Variants in IFIH1 observed in about 807,000 individuals in gnomAD.
The protein encoded by IFIH1 is interferon induced with helicase C domain 1, also known as interferon-induced helicase C domain-containing protein 1.
IFIH1 carries 125 observed loss-of-function variants against 107.4 expected under a neutral mutation model. That is an observed-to-expected ratio of 1.16 (90% confidence interval 1.01 to 1.35). IFIH1 has a LOEUF of 1.35. Ranked by LOEUF, IFIH1 falls within the 40% of genes most tolerant of loss-of-function variation. The pLI is 0.00. For missense variants in IFIH1, 1,333 were observed against 1,213.7 expected (o/e 1.10, Z -1.46); for synonymous variants, 458 against 413.2 (o/e 1.11, Z -1.31).
At chr2:162,298,559 A>G (rs1054423913) in intron 3 of IFIH1, among the ~76,000 whole-genome samples, 1 of 152,054 alleles carries the variant, frequency 6.6e-6, no homozygotes, top group Admixed American at 6.6e-5. Context: ...CTCCAGTTTC[A>G]TAATCCTCAC....
chr2:162,267,425 A>T (rs753388519), intron 15 of IFIH1, 46 bp from the exon 16 acceptor site: 1 of 1,612,180 alleles, frequency 6.2e-7, no homozygotes, highest in South Asian at 1.1e-5. Context: ...ATGTACATGC[A>T]ATTAAACATT....
chr2:162,279,423 C>G (rs1682768062), intron 8 of IFIH1, among the ~76,000 whole-genome samples: 1 of 151,990 alleles, frequency 6.6e-6, no homozygotes, highest in South Asian at 2.1e-4. Context: ...AAAGTATTGA[C>G]ATAATTTACT....
At chr2:162,311,120 G>GAAC (rs1467336928) in intron 1 of IFIH1, among the ~76,000 whole-genome samples, 187 bp from the exon 2 acceptor site, 22 of 146,912 alleles carry the variant, frequency 1.5e-4, no homozygotes, top group African/African-American at 5.5e-4. Flanking sequence ...AAAATCTCCG[G>GAAC]GACAACAACA....
At chr2:162,296,827 C>G (rs1408685515) in intron 3 of IFIH1, among the ~76,000 whole-genome samples, 3 of 151,966 alleles carry the variant, frequency 2.0e-5, no homozygotes, top group Non-Finnish European at 4.4e-5. Context: ...TTTCTGCACT[C>G]AAATAAAAAG....
chr2:162,282,438 T>G lies in IFIH1; in HGVS notation c.1234A>C (p.Ser412Arg), dbSNP rs1682827182. The G allele has an allele frequency of 6.2e-7, 1 of 1,612,164 alleles. No homozygotes were observed. The highest frequency in any genetic ancestry group is 1.1e-5 in the South Asian group (1 of 91,038). The change falls in exon 6 of 16, where the codon AGT (serine) becomes CGT (arginine). Residue 412 changes from serine to arginine, a missense_variant. By Grantham distance (110) the Ser-to-Arg change is moderately radical. Transcript: ENST00000649979. The stretch of plus-strand genomic sequence containing the variant: ...GAGTTTTCAAGGATTTGAGCTGTAC[T>G]GATAATAATATCACAGGACTTGACA... ...EVVKSCDIII[S>R]TAQILENSLL...
intron 4 of IFIH1, among the ~76,000 whole-genome samples, chr2:162,289,721 G>C (rs1682963443): frequency 6.6e-6 from 1 of 151,786 alleles, no homozygotes; most frequent in African/African-American, 2.4e-5. Flanking sequence ...CTACTAACCT[G>C]GCAGGAAATT....
intron 7 of IFIH1, among the ~76,000 whole-genome samples, chr2:162,280,899 T>A (rs1682796186): frequency 6.6e-6 from 1 of 152,022 alleles, no homozygotes; most frequent in South Asian, 2.1e-4. Context: ...TCCCTTTAAT[T>A]TGAATTACCT....
chr2:162,288,989 A>T (rs1409972215), intron 4 of IFIH1, among the ~76,000 whole-genome samples: 2 of 150,604 alleles, frequency 1.3e-5, no homozygotes, highest in African/African-American at 4.9e-5. Context: ...TCCTTTTTCC[A>T]TCTGAGGCAA....
rs748030573 is a variant in IFIH1, at chr2:162,317,950, G to A, written c.358C>T (p.Leu120Phe). ...AHDEYLQLLNLLQPTLVDKLL... is the reference protein window; with the variant it reads ...AHDEYLQLLNFLQPTLVDKLL... Reference sequence around the variant, plus strand: ...TTGTCCACCAGAGTGGGCTGAAGGAGGTTCAGCAGTTGGAGATATTCATCA... The same window carrying A: ...TTGTCCACCAGAGTGGGCTGAAGGAAGTTCAGCAGTTGGAGATATTCATCA... Residue 120 changes from leucine (L) to phenylalanine (F), a missense_variant, in exon 1 of 16, where the codon CTC (leucine) becomes TTC (phenylalanine). Transcript: ENST00000649979. The A allele has an allele frequency of 2.5e-6, 4 of 1,614,150 alleles. No homozygotes were observed. The highest frequency in any genetic ancestry group is 2.5e-6 in the Non-Finnish European group (3 of 1,179,994).
chr2:162,309,210 T>G (rs1489957708), intron 2 of IFIH1, among the ~76,000 whole-genome samples: 1 of 152,218 alleles, frequency 6.6e-6, no homozygotes, highest in Non-Finnish European at 1.5e-5. Context: ...GTCCACGGAA[T>G]GGCAGGTTCT....
At chr2:162,296,695 CAG>C (rs1230334591) in intron 3 of IFIH1, among the ~76,000 whole-genome samples, 2 of 152,230 alleles carry the variant, frequency 1.3e-5, no homozygotes, top group Admixed American at 6.6e-5. Context: ...CATCTTGAAA[CAG>C]AGCTTATCTT....
At chr2:162,299,823 G>A (rs911389025) in intron 3 of IFIH1, among the ~76,000 whole-genome samples, 5 of 152,024 alleles carry the variant, frequency 3.3e-5, no homozygotes, top group African/African-American at 9.7e-5. Context: ...AAATCCTACC[G>A]CCCTCCTCCA....
chr2:162,296,884 G>A (rs1237171296), intron 3 of IFIH1, among the ~76,000 whole-genome samples: 2 of 151,992 alleles, frequency 1.3e-5, no homozygotes, highest in Non-Finnish European at 2.9e-5. Context: ...TAATCCTGTA[G>A]AGATTATTAT....
At chr2:162,313,387 T>TA (rs1476471265) in intron 1 of IFIH1, among the ~76,000 whole-genome samples, 1 of 152,184 alleles carries the variant, frequency 6.6e-6, no homozygotes, top group African/African-American at 2.4e-5. Context: ...TCTGTGAAGT[T>TA]AAAAATGGAT....
Position 162,311,450 on chromosome 2 carries a change from T to C in IFIH1, c.454-517A>G, listed in dbSNP as rs76082546. Among the ~76,000 whole-genome samples, 1,472 of 152,240 alleles carry C rather than the reference T, an allele frequency of 9.7e-3. 17 individuals are homozygous for C. The highest frequency in any genetic ancestry group is 0.014 in the Non-Finnish European group (954 of 67,982). On this transcript the variant is annotated intron_variant, in intron 1 of 15. Transcript: ENST00000649979. ...ATTACTACTGCAGATTTATATTTTT[T>C]CCTATGTAATATTTGCATAGTTGAT...
chr2:162,285,968 G>A (rs966283374), intron 5 of IFIH1, among the ~76,000 whole-genome samples: 2 of 151,970 alleles, frequency 1.3e-5, no homozygotes, highest in Admixed American at 1.3e-4. Flanking sequence ...GTCCAGATAA[G>A]TCTGTGGATG....
rs1018886793 is a variant in IFIH1 at position 162,310,906 on chromosome 2, C to T, written c.481G>A (p.Glu161Lys). 1.4e-5 allele frequency: 23 copies of T among 1,613,256 alleles called. No individual in the cohort carries two copies. The highest frequency in any genetic ancestry group is 6.7e-5 in the African/African-American group (5 of 74,904). Residue 161 changes from glutamate (E) to lysine (K), a missense_variant, in exon 2 of 16, where the codon GAA (glutamate) becomes AAA (lysine). Transcript: ENST00000649979. ...RIAAAENNGNESGVRELLKRI... is the reference protein window; with the variant it reads ...RIAAAENNGNKSGVRELLKRI... ...TTTAGTAGCTCTCTTACACCTGATT[C>T]ATTTCCATTGTTTTCTGCAGCAGCA...
rs111702102 is a variant in IFIH1 at position 162,304,439 on chromosome 2, G to A, written c.769+2270C>T. Among the ~76,000 whole-genome samples the A allele has an allele frequency of 2.5e-3, 383 of 152,178 alleles. 5 individuals are homozygous for A. Among genetic ancestry groups the A allele is most frequent in the African/African-American group, 8.6e-3 (358 of 41,504 alleles). On this transcript the variant is annotated intron_variant, in intron 3 of 15. Coordinates refer to ENST00000649979, the MANE Select transcript of IFIH1 (RefSeq NM_022168.4). The stretch of plus-strand genomic sequence containing the variant: ...TTTGTGCCACTGTACTCCAGCCTGG[G>A]CGACAGAGAGACAGAGCAAGACCCT...
In IFIH1 at chr2:162,276,704, A is replaced by G. The variant is rs960165167; in HGVS notation, c.2287T>C (p.Phe763Leu). Residue 763 changes from phenylalanine to leucine, a missense_variant, in exon 11 of 16, where the codon TTC becomes CTC. Phe to Leu is a conservative substitution (Grantham distance 22). Coordinates refer to ENST00000649979, the MANE Select transcript of IFIH1 (RefSeq NM_022168.4). Reference protein sequence around the residue: ...HLIGAGHSSEFKPMTQNEQKE... With the variant: ...HLIGAGHSSELKPMTQNEQKE... ...ATTTATACCTGTGTCATGGGTTTGAACTCACTGCTGTGTCCAGCTCCAATC... is the reference window on the plus strand; with the variant it reads ...ATTTATACCTGTGTCATGGGTTTGAGCTCACTGCTGTGTCCAGCTCCAATC... 2 of 1,613,248 alleles carry G rather than the reference A, an allele frequency of 1.2e-6. No homozygotes were observed. Among genetic ancestry groups the G allele is most frequent in the Non-Finnish European group, 8.5e-7 (1 of 1,179,666 alleles).
Sources: allele counts gnomAD v4.1 joint callset (sites outside exome capture counted in the v4.1 genomes callset), GRCh38; gene constraint gnomAD v4.1.1; transcripts MANE v1.5; gene names NCBI Gene and HGNC (gene_info 2026-07-23, HGNC 2026-07-21).